Variants in FRK observed in about 807,000 individuals in gnomAD.
FRK encodes tyrosine-protein kinase FRK.
A neutral mutation model predicts 56.4 loss-of-function variants in FRK; 51 were observed. That is an observed-to-expected ratio of 0.90 (90% CI 0.72 to 1.14). The LOEUF (loss-of-function observed/expected upper bound fraction) is 1.14. Among genes scored for constraint, FRK ranks in the 50% most tolerant of loss-of-function variants. The pLI is 0.00. For synonymous variants in FRK, 245 were observed against 217.9 expected, an observed-to-expected ratio of 1.12 and a Z score of -1.10; for missense variants, 570 against 601.4, an observed-to-expected ratio of 0.95 and a Z score of 0.55.
At chr6:116,033,328 CA>C (rs1373416626) in intron 1 of FRK, among the ~76,000 whole-genome samples, 1 of 151,830 alleles carries the variant, frequency 6.6e-6, no homozygotes, top group Non-Finnish European at 1.5e-5. Flanking sequence ...ATACATGGAC[CA>C]AAAAAGACAC....
At chr6:116,046,945 G>A (rs1192577091) in intron 1 of FRK, among the ~76,000 whole-genome samples, 3 of 151,828 alleles carry the variant, frequency 2.0e-5, no homozygotes, top group African/African-American at 7.3e-5. Flanking sequence ...GCATTTCCAA[G>A]TTGTGGTCCT....
chr6:116,004,388 A>G (rs1775175270), intron 1 of FRK, among the ~76,000 whole-genome samples: 1 of 152,146 alleles, frequency 6.6e-6, no homozygotes, highest in Non-Finnish European at 1.5e-5. Context: ...TGCTTCCCCT[A>G]ACACCTCTGA....
At chr6:115,953,617 C>T (rs1772876391) in intron 5 of FRK, among the ~76,000 whole-genome samples, 1 of 152,192 alleles carries the variant, frequency 6.6e-6, no homozygotes, top group Non-Finnish European at 1.5e-5. Context: ...AAACTTGACC[C>T]TAATGGCCTA....
Position 115,935,270 on chromosome 6 carries a change from G to A in FRK, c.*7144C>T, listed in dbSNP as rs1282931582. On this transcript the variant is annotated 3_prime_UTR_variant, in exon 8 of 8. Transcript: ENST00000606080. ...TCAGGGAACTACCTCCTCTACCCAA[G>A]GGAAGCCATGAGGGACTGTACCTGA... The A allele has an allele frequency of 6.6e-6, 1 of 152,400 alleles. No homozygotes were observed. Among genetic ancestry groups the A allele is most frequent in the Non-Finnish European group, 1.5e-5 (1 of 68,186 alleles). The allele number at this position is 152,400 out of a possible 1,614,324, so 9.4% of individuals were successfully genotyped here.
chr6:116,054,158 AAAT>A, intron 1 of FRK, among the ~76,000 whole-genome samples: 1 of 151,580 alleles, frequency 6.6e-6, no homozygotes, highest in South Asian at 2.1e-4. Flanking sequence ...ACATGAAGTC[AAAT>A]AATATTATAC....
intron 1 of FRK, among the ~76,000 whole-genome samples, chr6:116,041,402 A>T (rs1562300535): frequency 6.6e-6 from 1 of 152,328 alleles, no homozygotes; most frequent in African/African-American, 2.4e-5. Context: ...AAAGAGGATC[A>T]TGTGTTGTTC....
chr6:116,090,312 T>C, the FRK span, among the ~76,000 whole-genome samples: 1 of 152,028 alleles, frequency 6.6e-6, no homozygotes, highest in African/African-American at 2.4e-5. Flanking sequence ...CTTTGCAGGG[T>C]GTAATGTGAT....
In FRK at chr6:116,029,832, C is replaced by T. The variant is rs553028281; in HGVS notation, c.345-25834G>A. On this transcript the variant is annotated intron_variant, in intron 1 of 7. Transcript: ENST00000606080. Reference sequence around the variant, plus strand: ...ATCTGAAGGTCCTTTCATTCATCATCATCTATCTAAAAATCAAAATACTCT... The same window carrying T: ...ATCTGAAGGTCCTTTCATTCATCATTATCTATCTAAAAATCAAAATACTCT... 4.5e-4 allele frequency among the ~76,000 whole-genome samples: 69 copies of T among 152,226 alleles called. 1 individual carries two copies. In the South Asian group the frequency reaches 0.014, roughly 31 times the overall value.
rs1459090003 is a variant in FRK, at chr6:116,060,117, T to C, written c.195A>G (p.Ala65=). The C allele has an allele frequency of 3.1e-6, 5 of 1,614,108 alleles. No individual in the cohort carries two copies. The highest frequency in any genetic ancestry group is 4.2e-6 in the Non-Finnish European group (5 of 1,180,052). Residue 65 remains alanine (A), a synonymous_variant, in exon 1 of 8, where the codon GCA becomes GCG. Transcript: ENST00000606080. Reference sequence around the variant, plus strand: ...TGTCCAGAACTTGAAGTTTGTCACCTGCTCGGAAGCTCAAGTCCTCAGCAG... The same window carrying C: ...TGTCCAGAACTTGAAGTTTGTCACCCGCTCGGAAGCTCAAGTCCTCAGCAG... The part of the protein sequence containing the change: ...ARTAEDLSFR[A]GDKLQVLDTL...
intron 2 of FRK, among the ~76,000 whole-genome samples, chr6:115,985,993 TG>T (rs927996311): frequency 6.6e-6 from 1 of 151,030 alleles, no homozygotes; most frequent in African/African-American, 2.4e-5. Flanking sequence ...GCCTTTTGGT[TG>T]GGGGGGAACA....
the FRK span, among the ~76,000 whole-genome samples, chr6:116,082,211 T>C: frequency 3.3e-5 from 5 of 152,178 alleles, no homozygotes; most frequent in East Asian, 1.9e-4. Flanking sequence ...AGAAAAGATA[T>C]AGTAAGAGAT....
At chr6:115,973,239 G>T (rs556789151) in intron 2 of FRK, among the ~76,000 whole-genome samples, 1 of 152,204 alleles carries the variant, frequency 6.6e-6, no homozygotes, top group African/African-American at 2.4e-5. Flanking sequence ...CTTCTATCAG[G>T]ATATAGAGCT....
At chr6:116,004,786 A>G (rs1775190553) in intron 1 of FRK, among the ~76,000 whole-genome samples, 1 of 152,194 alleles carries the variant, frequency 6.6e-6, no homozygotes, top group Non-Finnish European at 1.5e-5. Context: ...TGTCAAATGT[A>G]TATCATGTTA....
chr6:115,966,030 C>A, intron 4 of FRK, among the ~76,000 whole-genome samples: 1 of 94,154 alleles, frequency 1.1e-5, no homozygotes, highest in African/African-American at 4.1e-5. Flanking sequence ...TGCACATGTA[C>A]CCTAAAACTT....
chr6:116,095,405 T>C, the FRK span, among the ~76,000 whole-genome samples: 1 of 152,222 alleles, frequency 6.6e-6, no homozygotes, highest in Admixed American at 6.5e-5. Context: ...TAAGTTAATA[T>C]GGACTGAAAG....
chr6:115,959,122 G>A (rs1562258098), intron 4 of FRK, among the ~76,000 whole-genome samples: 1 of 152,170 alleles, frequency 6.6e-6, no homozygotes, highest in Non-Finnish European at 1.5e-5. Flanking sequence ...ATTTTTGCCT[G>A]TCAAAGCTAC....
intron 2 of FRK, among the ~76,000 whole-genome samples, chr6:116,002,256 G>A (rs189306854): frequency 1.3e-4 from 20 of 152,332 alleles, no homozygotes; most frequent in Middle Eastern, 3.4e-3. Flanking sequence ...TCTTTTCTGA[G>A]TGGCTAATGC....
At chr6:116,068,111 T>G in the FRK span, among the ~76,000 whole-genome samples, 1 of 152,078 alleles carries the variant, frequency 6.6e-6, no homozygotes, top group East Asian at 1.9e-4. Context: ...AGCCTGACAC[T>G]AGGGGAAATG....
intron 1 of FRK, among the ~76,000 whole-genome samples, chr6:116,041,457 G>A (rs1359546703): frequency 6.6e-6 from 1 of 152,144 alleles, no homozygotes; most frequent in Non-Finnish European, 1.5e-5. Context: ...TAAGTCGTGC[G>A]CAAGATGGCT....
Sources: gnomAD v4.1 joint callset for allele counts (sites outside exome capture counted in the v4.1 genomes callset) on GRCh38, gnomAD v4.1.1 for gene constraint, MANE v1.5 for transcripts, NCBI Gene and HGNC (gene_info 2026-07-23, HGNC 2026-07-21) for gene names.